MPZL1: variants seen among roughly 807,000 people sequenced by gnomAD.
The protein encoded by MPZL1 is myelin protein zero-like protein 1.
A neutral mutation model predicts 29.3 loss-of-function variants in MPZL1; 16 were observed. That is an observed-to-expected ratio of 0.55 (90% confidence interval 0.37 to 0.83). MPZL1 has a LOEUF of 0.83. Among genes scored for constraint, MPZL1 ranks in the 40% least tolerant of loss-of-function variants. The pLI, the probability that MPZL1 is intolerant of heterozygous loss-of-function variation, is 0.00. For synonymous variants in MPZL1, 143 were observed against 132.0 expected (o/e 1.08, Z -0.57); for missense variants, 279 against 332.9 (o/e 0.84, Z 1.26).
intron 1 of MPZL1, among the ~76,000 whole-genome samples, chr1:167,728,034 A>AT (rs35770520): frequency 0.22 from 23,141 of 104,034 alleles, 2,736 homozygotes; most frequent in Non-Finnish European, 0.3. Context: ...CGCCCAACTA[A>AT]TTTTTTTTTT....
chr1:167,737,321 A>C (rs1408452006), intron 1 of MPZL1, among the ~76,000 whole-genome samples: 1 of 152,212 alleles, frequency 6.6e-6, no homozygotes, highest in Non-Finnish European at 1.5e-5. Context: ...CCCAGAACTT[A>C]AGATCTTAAG....
chr1:167,771,200 C>G (rs188613062), intron 2 of MPZL1, among the ~76,000 whole-genome samples: 5 of 151,984 alleles, frequency 3.3e-5, no homozygotes, highest in South Asian at 4.2e-4. Flanking sequence ...TGACTCTTAA[C>G]GAGTATGCTG....
intron 5 of MPZL1, among the ~76,000 whole-genome samples, chr1:167,781,854 C>T (rs1283571925): frequency 1.3e-5 from 2 of 151,826 alleles, no homozygotes; most frequent in African/African-American, 2.4e-5. Flanking sequence ...ATAGATTATC[C>T]CTTGTTGCAT....
chr1:167,754,456 A>G (rs919703243), intron 1 of MPZL1, among the ~76,000 whole-genome samples: 2 of 152,250 alleles, frequency 1.3e-5, no homozygotes, highest in African/African-American at 4.8e-5. Flanking sequence ...CTGTTAACTC[A>G]GGCTGCCAGT....
chr1:167,731,704 C>T lies in MPZL1; in HGVS notation c.91+9462C>T, dbSNP rs185559544. Among the ~76,000 whole-genome samples the T allele has an allele frequency of 1.6e-3, 244 of 151,638 alleles. 2 individuals carry two copies. Among genetic ancestry groups the T allele is most frequent in the African/African-American group, 5.7e-3 (237 of 41,362 alleles). ...TCCCTCGCCTTGGCCTCCCAAACTG[C>T]TGGGATTACAGGCGTGAGCCACCGC... On this transcript the variant is annotated intron_variant, in intron 1 of 5. Coordinates refer to ENST00000359523, the MANE Select transcript of MPZL1 (RefSeq NM_003953.6).
chr1:167,764,935 G>A (rs1458448090), intron 1 of MPZL1: 4 of 152,168 alleles, frequency 2.6e-5, no homozygotes, highest in Admixed American at 6.6e-5. Flanking sequence ...TCTAGAAAAG[G>A]CAAACCTATA....
intron 1 of MPZL1, among the ~76,000 whole-genome samples, chr1:167,756,279 G>C (rs949711620): frequency 6.6e-6 from 1 of 152,014 alleles, no homozygotes; most frequent in Non-Finnish European, 1.5e-5. Flanking sequence ...CCCCTGAGTA[G>C]CTGAGATCAC....
At chr1:167,747,269 G>A (rs899167923) in intron 1 of MPZL1, among the ~76,000 whole-genome samples, 1 of 152,078 alleles carries the variant, frequency 6.6e-6, no homozygotes, top group Non-Finnish European at 1.5e-5. Flanking sequence ...CGTCTAGGCC[G>A]GAGTGCAGTG....
intron 1 of MPZL1, among the ~76,000 whole-genome samples, chr1:167,763,491 ACTCGGTCTC>A: frequency 6.8e-6 from 1 of 146,486 alleles, no homozygotes. Context: ...CAAGATTGAG[ACTCGGTCTC>A]AAAAAAAAAA....
At chr1:167,731,045 C>T (rs531252728) in intron 1 of MPZL1, among the ~76,000 whole-genome samples, 11 of 152,238 alleles carry the variant, frequency 7.2e-5, no homozygotes, top group South Asian at 4.1e-4. Context: ...TGCAGTGAGG[C>T]TTGCTGAACC....
chr1:167,740,144 A>G (rs1195727139), intron 1 of MPZL1, among the ~76,000 whole-genome samples: 1 of 152,208 alleles, frequency 6.6e-6, no homozygotes, highest in Non-Finnish European at 1.5e-5. Flanking sequence ...TTGTTGCTTT[A>G]ATTATTGCCC....
intron 1 of MPZL1, among the ~76,000 whole-genome samples, chr1:167,735,156 G>A (rs750647604): frequency 2.0e-5 from 3 of 152,102 alleles, no homozygotes; most frequent in Non-Finnish European, 4.4e-5. Flanking sequence ...TTCTCACTTT[G>A]TCCATTGTCA....
intron 1 of MPZL1, 55 bp from the exon 2 acceptor site, chr1:167,765,528 C>T: frequency 1.4e-6 from 2 of 1,449,862 alleles, no homozygotes; most frequent in Non-Finnish European, 1.9e-6. Context: ...CAAAAATGCA[C>T]AGTGGTATTC....
At chr1:167,787,368 G>A (rs1661612464) in intron 5 of MPZL1, 1 of 154,414 alleles carries the variant, frequency 6.5e-6, no homozygotes, top group South Asian at 2.0e-4. Flanking sequence ...TGTATCTTTG[G>A]GTGGCACCAA....
intron 1 of MPZL1, among the ~76,000 whole-genome samples, chr1:167,761,129 A>C (rs968284201): frequency 1.3e-5 from 2 of 152,194 alleles, no homozygotes; most frequent in Non-Finnish European, 1.5e-5. Context: ...AATTGGATTT[A>C]TCCAAGAGAA....
At chr1:167,732,371 A>G (rs4657702) in intron 1 of MPZL1, among the ~76,000 whole-genome samples, 51,590 of 152,034 alleles carry the variant, frequency 0.34, 9,491 homozygotes, top group African/African-American at 0.49. Context: ...TCCAGCCTGG[A>G]CAACAGAGGG....
At chr1:167,736,274 G>A (rs1389387302) in intron 1 of MPZL1, among the ~76,000 whole-genome samples, 2 of 152,030 alleles carry the variant, frequency 1.3e-5, no homozygotes, top group African/African-American at 2.4e-5. Flanking sequence ...TGGTAATTTC[G>A]TCCATTTTTG....
chr1:167,725,376 G>C (rs1428937196), intron 1 of MPZL1, among the ~76,000 whole-genome samples: 1 of 152,192 alleles, frequency 6.6e-6, no homozygotes, highest in Non-Finnish European at 1.5e-5. Context: ...CCATCTCCCA[G>C]ATTCAAGTGA....
intron 1 of MPZL1, among the ~76,000 whole-genome samples, chr1:167,747,745 A>G (rs1317103390): frequency 1.3e-5 from 2 of 152,042 alleles, no homozygotes; most frequent in Non-Finnish European, 2.9e-5. Flanking sequence ...TTTTTTTAAC[A>G]GAAGTTTTAC....
Sources: gnomAD v4.1 joint callset for allele counts (sites outside exome capture counted in the v4.1 genomes callset) on GRCh38, gnomAD v4.1.1 for gene constraint, MANE v1.5 for transcripts, NCBI Gene and HGNC (gene_info 2026-07-23, HGNC 2026-07-21) for gene names.